The following CTNNA2 variants were observed in gnomAD, a reference collection of about 807,000 sequenced individuals.
CTNNA2 encodes the protein catenin alpha 2.
A neutral mutation model predicts 101.0 loss-of-function variants in CTNNA2; 42 were observed. The ratio of observed to expected loss-of-function variants is 0.42; its 90% CI spans 0.32 to 0.54. CTNNA2 has a LOEUF of 0.54. Among genes scored for constraint, CTNNA2 ranks in the 20% least tolerant of loss-of-function variants. The pLI is 0.14. For missense variants in CTNNA2, 871 were observed against 1,223.1 expected, an observed-to-expected ratio of 0.71 and a Z score of 4.29; for synonymous variants, 450 against 456.4, an observed-to-expected ratio of 0.99 and a Z score of 0.18.
chr2:79,886,410 T>C (rs186819326), intron 6 of CTNNA2, among the ~76,000 whole-genome samples: 128 of 152,080 alleles, frequency 8.4e-4, no homozygotes, highest in African/African-American at 3.0e-3. Context: ...GCCTTGCAAG[T>C]GGCTGGGCTT....
At chr2:79,450,078 T>A (rs1558669285) in intron 4 of CTNNA2, among the ~76,000 whole-genome samples, 1 of 151,852 alleles carries the variant, frequency 6.6e-6, no homozygotes, top group African/African-American at 2.4e-5. Flanking sequence ...AGTGTGACAC[T>A]CTATGGATTC....
chr2:80,440,326 G>T (rs188271564), intron 9 of CTNNA2, among the ~76,000 whole-genome samples: 1 of 152,258 alleles, frequency 6.6e-6, no homozygotes, highest in East Asian at 1.9e-4. Flanking sequence ...AAAAAAAAAT[G>T]ACAATGTGAA....
intron 4 of CTNNA2, among the ~76,000 whole-genome samples, chr2:79,392,934 C>T (rs915548607): frequency 6.6e-6 from 1 of 152,160 alleles, no homozygotes; most frequent in African/African-American, 2.4e-5. Context: ...AAATTATCAA[C>T]TCTGAATATA....
chr2:80,332,845 TG>T (rs1266408228), intron 7 of CTNNA2, among the ~76,000 whole-genome samples: 1 of 152,198 alleles, frequency 6.6e-6, no homozygotes, highest in East Asian at 1.9e-4. Context: ...CAGGGTTCAG[TG>T]GCCCTAAAGC....
chr2:80,490,279 CA>C (rs796413173), intron 9 of CTNNA2, among the ~76,000 whole-genome samples: 29 of 54,894 alleles, frequency 5.3e-4, no homozygotes, highest in African/African-American at 3.0e-3. Flanking sequence ...CTTCCCCCCC[CA>C]CCCCCCCCCC....
chr2:79,289,322 A>G (rs1482749308), intron 2 of CTNNA2, among the ~76,000 whole-genome samples: 1 of 152,210 alleles, frequency 6.6e-6, no homozygotes, highest in East Asian at 1.9e-4. Context: ...AGCAGCTAGA[A>G]TAATTTTCAT....
At chr2:79,410,493 T>C (rs1256871353) in intron 4 of CTNNA2, among the ~76,000 whole-genome samples, 1 of 152,174 alleles carries the variant, frequency 6.6e-6, no homozygotes, top group East Asian at 1.9e-4. Flanking sequence ...CCTAATTTAT[T>C]GAGAGTTTTT....
At chr2:79,836,126 A>G (rs947599275) in intron 3 of CTNNA2, among the ~76,000 whole-genome samples, 5 of 152,048 alleles carry the variant, frequency 3.3e-5, no homozygotes, top group African/African-American at 1.2e-4. Flanking sequence ...ACTCCTGCCA[A>G]TTGGGTTTAA....
At chr2:79,231,675 A>C (rs1583368) in intron 2 of CTNNA2, among the ~76,000 whole-genome samples, 86,789 of 151,976 alleles carry the variant, frequency 0.57, 25,161 homozygotes, top group East Asian at 0.65. Context: ...CTCTATTAAT[A>C]CTTCCAATCC....
intron 7 of CTNNA2, among the ~76,000 whole-genome samples, chr2:80,267,296 C>T (rs570424621): frequency 6.6e-6 from 1 of 151,988 alleles, no homozygotes; most frequent in South Asian, 2.1e-4. Flanking sequence ...GAACAGCATT[C>T]AGAGAATAGA....
chr2:79,396,141 G>A (rs1219560565), intron 4 of CTNNA2, among the ~76,000 whole-genome samples: 1 of 151,878 alleles, frequency 6.6e-6, no homozygotes, highest in African/African-American at 2.4e-5. Flanking sequence ...TTATCCCTTA[G>A]TGAGTTCAAT....
intron 12 of CTNNA2, among the ~76,000 whole-genome samples, chr2:80,559,062 T>C (rs548370969): frequency 6.6e-6 from 1 of 152,238 alleles, no homozygotes; most frequent in East Asian, 1.9e-4. Flanking sequence ...CATGCCAAGT[T>C]GTAACCACCA....
chr2:80,053,422 TATC>T (rs1269460174), intron 7 of CTNNA2, among the ~76,000 whole-genome samples: 2 of 152,222 alleles, frequency 1.3e-5, no homozygotes, highest in Non-Finnish European at 2.9e-5. Context: ...TGAGATCTGT[TATC>T]ATTCCCGTTT....
chr2:80,387,226 T>C (rs1202406926), intron 7 of CTNNA2, among the ~76,000 whole-genome samples: 1 of 152,074 alleles, frequency 6.6e-6, no homozygotes, highest in Non-Finnish European at 1.5e-5. Flanking sequence ...GAGGCGGAGC[T>C]TGCAGTGAGC....
At position 79,782,786 on chromosome 2, in the gene CTNNA2, G is replaced by A. The variant is rs548712551; in HGVS notation, c.298+38204G>A. ...TTGAGCAGCACAAGCCCTACTACCG[G>A]TCAGTTTGGGGCCTCGCAAGGGGAA... On this transcript the variant is annotated intron_variant, in intron 3 of 18. Transcript: ENST00000402739. Among the ~76,000 whole-genome samples, 63 of 152,238 alleles carry A rather than the reference G, an allele frequency of 4.1e-4. No individual in the cohort carries two copies. In the South Asian group the frequency reaches 0.013, roughly 31 times the overall value.
At chr2:80,324,413 A>C (rs1290358703) in intron 7 of CTNNA2, among the ~76,000 whole-genome samples, 1 of 151,940 alleles carries the variant, frequency 6.6e-6, no homozygotes, top group Non-Finnish European at 1.5e-5. Context: ...CGAGGGCTGC[A>C]ATCATCATGA....
At chr2:80,334,265 T>C (rs1671591624) in intron 7 of CTNNA2, among the ~76,000 whole-genome samples, 1 of 152,196 alleles carries the variant, frequency 6.6e-6, no homozygotes, top group African/African-American at 2.4e-5. Context: ...CATATAATCA[T>C]GCTACTTCTC....
chr2:79,244,092 A>C (rs1010719120), intron 2 of CTNNA2, among the ~76,000 whole-genome samples: 3 of 151,880 alleles, frequency 2.0e-5, no homozygotes, highest in African/African-American at 7.3e-5. Flanking sequence ...GCCCTTCCTT[A>C]TGTTGGGGAA....
chr2:80,346,193 C>A (rs1323768235), intron 7 of CTNNA2, among the ~76,000 whole-genome samples: 1 of 152,138 alleles, frequency 6.6e-6, no homozygotes, highest in African/African-American at 2.4e-5. Flanking sequence ...TCTTGCATTG[C>A]TTTAAAGAAA....
Sources: allele counts gnomAD v4.1 joint callset (sites outside exome capture counted in the v4.1 genomes callset), GRCh38; gene constraint gnomAD v4.1.1; transcripts MANE v1.5; gene names NCBI Gene and HGNC (gene_info 2026-07-23, HGNC 2026-07-21).